Variants in ADAMTSL1 observed in about 807,000 individuals in gnomAD.
ADAMTSL1 encodes the protein ADAMTS-like protein 1.
A neutral mutation model predicts 201.8 loss-of-function variants in ADAMTSL1; 126 were observed. The observed-to-expected ratio is 0.62, with a 90% CI of 0.54 to 0.72. The LOEUF (loss-of-function observed/expected upper bound fraction) is 0.72. Among genes scored for constraint, ADAMTSL1 ranks in the 30% least tolerant of loss-of-function variants. The pLI, the probability that ADAMTSL1 is intolerant of heterozygous loss-of-function variation, is 0.00. For missense variants in ADAMTSL1, 2,679 were observed against 2,277.8 expected, an observed-to-expected ratio of 1.18 and a Z score of -3.59; for synonymous variants, 1,121 against 903.4, an observed-to-expected ratio of 1.24 and a Z score of -4.32.
intron 1 of ADAMTSL1, among the ~76,000 whole-genome samples, chr9:18,499,862 C>G (rs1056144738): frequency 6.6e-6 from 1 of 152,008 alleles, no homozygotes; most frequent in African/African-American, 2.4e-5. Context: ...AAAAAACTAT[C>G]AAGCATTTCC....
intron 2 of ADAMTSL1, among the ~76,000 whole-genome samples, chr9:18,448,986 A>G (rs1049359613): frequency 1.3e-5 from 2 of 152,012 alleles, no homozygotes; most frequent in Non-Finnish European, 2.9e-5. Flanking sequence ...AAAATACTAA[A>G]TAAAATATAT....
intron 15 of ADAMTSL1, among the ~76,000 whole-genome samples, chr9:18,722,289 T>A (rs910531958): frequency 7.9e-5 from 12 of 152,180 alleles, no homozygotes; most frequent in Non-Finnish European, 1.3e-4. Context: ...TTTTATGGTG[T>A]CTTGAGAAAC....
chr9:18,486,814 A>G (rs184332154), intron 1 of ADAMTSL1, among the ~76,000 whole-genome samples: 53 of 152,274 alleles, frequency 3.5e-4, no homozygotes, highest in African/African-American at 1.3e-3. Flanking sequence ...TTGAGTGATT[A>G]TTGTTGTCTG....
chr9:18,056,511 C>T (rs974560031), intron 1 of ADAMTSL1, among the ~76,000 whole-genome samples: 4 of 152,056 alleles, frequency 2.6e-5, no homozygotes, highest in African/African-American at 9.7e-5. Flanking sequence ...TGTTGGCACT[C>T]CCTTGCTCAT....
At chr9:18,171,751 G>A (rs1004990985) in intron 2 of ADAMTSL1, among the ~76,000 whole-genome samples, 1 of 152,008 alleles carries the variant, frequency 6.6e-6, no homozygotes, top group Non-Finnish European at 1.5e-5. Context: ...TGAAGTCTTT[G>A]CCCATGCCTA....
chr9:18,504,911 G>A lies in ADAMTSL1; in HGVS notation c.146G>A (p.Cys49Tyr). The change falls in exon 2 of 29, where the codon TGC becomes TAC. Residue 49 changes from cysteine (C) to tyrosine (Y), a missense_variant. Coordinates refer to ENST00000380548, the MANE Select transcript of ADAMTSL1 (RefSeq NM_001040272.6). ...WGPWSECSRT[C>Y]GGGASYSLRR... ...CCATGGAGTGAATGCTCACGCACCT[G>A]CGGGGGTGGGGCCTCCTACTCTCTG... is the stretch of plus-strand genomic sequence containing the variant. 1 of 1,612,884 alleles carries A rather than the reference G, an allele frequency of 6.2e-7. No homozygotes were observed. The highest frequency in any genetic ancestry group is 1.1e-5 in the South Asian group (1 of 91,040).
chr9:18,834,118 C>T (rs767730837), intron 23 of ADAMTSL1, among the ~76,000 whole-genome samples: 6 of 152,022 alleles, frequency 3.9e-5, no homozygotes, highest in Admixed American at 1.3e-4. Context: ...AGTTGGGTAG[C>T]GTGATGCCTC....
intron 2 of ADAMTSL1, among the ~76,000 whole-genome samples, chr9:18,393,373 AG>A (rs1563931235): frequency 6.6e-6 from 1 of 152,146 alleles, no homozygotes; most frequent in Non-Finnish European, 1.5e-5. Context: ...TAGGGATTAA[AG>A]GGGAAGGTAA....
chr9:18,381,689 G>A (rs1217926864), intron 2 of ADAMTSL1, among the ~76,000 whole-genome samples: 1 of 151,914 alleles, frequency 6.6e-6, no homozygotes. Flanking sequence ...TTGATGAAGG[G>A]CCATGATGTT....
chr9:18,308,494 G>A (rs969914135), intron 2 of ADAMTSL1, among the ~76,000 whole-genome samples: 10 of 152,050 alleles, frequency 6.6e-5, no homozygotes, highest in African/African-American at 2.4e-4. Flanking sequence ...CATAAAAAAT[G>A]ATAAAGAGGA....
chr9:18,846,497 A>T (rs967713234), intron 23 of ADAMTSL1, among the ~76,000 whole-genome samples: 2 of 152,202 alleles, frequency 1.3e-5, no homozygotes, highest in African/African-American at 4.8e-5. Context: ...GGCCTTAGAC[A>T]AGGTTAAAGA....
At chr9:18,410,794 T>TTTTAATC (rs1452500377) in intron 2 of ADAMTSL1, among the ~76,000 whole-genome samples, 1 of 152,074 alleles carries the variant, frequency 6.6e-6, no homozygotes, top group Non-Finnish European at 1.5e-5. Flanking sequence ...GCCCTGAATC[T>TTTTAATC]TTTAATCTGT....
intron 1 of ADAMTSL1, among the ~76,000 whole-genome samples, chr9:18,032,025 T>G (rs1348883201): frequency 6.6e-6 from 1 of 152,214 alleles, no homozygotes; most frequent in Non-Finnish European, 1.5e-5. Context: ...CTGGGTCTCC[T>G]TCTAGTGTCT....
At chr9:18,264,467 A>G (rs1291382229) in intron 2 of ADAMTSL1, among the ~76,000 whole-genome samples, 1 of 152,170 alleles carries the variant, frequency 6.6e-6, no homozygotes, top group Middle Eastern at 3.2e-3. Flanking sequence ...CCCATTCAGA[A>G]TAACAACCTG....
chr9:18,845,042 C>A (rs1175033009), intron 23 of ADAMTSL1, among the ~76,000 whole-genome samples: 1 of 152,174 alleles, frequency 6.6e-6, no homozygotes, highest in Non-Finnish European at 1.5e-5. Flanking sequence ...TGCACTGCAC[C>A]CACTGTCCTG....
At position 18,681,697 on chromosome 9, in the gene ADAMTSL1, T is replaced by TGGGGA. The variant is rs1554728668; in HGVS notation, c.1342-111_1342-110insAGGGG. The TGGGGA allele has an allele frequency of 1.7e-5, 4 of 240,358 alleles. No homozygotes were observed. The African/African-American group carries it at 2.6e-4, about 16-fold the overall frequency. 14.9% of individuals were successfully genotyped at this position (240,358 alleles called of 1,614,324 possible). The stretch of plus-strand genomic sequence containing the variant: ...TATAAATTTACCAGGAGTCCTCGTG[T>TGGGGA]GGGGGGGGGGGGCGGGGAAAAAGAA... On this transcript the variant is annotated intron_variant, in intron 11 of 28. Transcript: ENST00000380548.
chr9:17,941,317 A>G (rs553463021), intron 1 of ADAMTSL1, among the ~76,000 whole-genome samples: 1 of 152,124 alleles, frequency 6.6e-6, no homozygotes, highest in African/African-American at 2.4e-5. Flanking sequence ...TTCAATTTGG[A>G]GTTATAAAAA....
intron 23 of ADAMTSL1, among the ~76,000 whole-genome samples, chr9:18,858,040 T>C (rs1056190593): frequency 1.1e-5 from 1 of 90,444 alleles, no homozygotes; most frequent in African/African-American, 5.8e-5. Flanking sequence ...CTGCTCTCAG[T>C]ACCCAGAATT....
chr9:18,840,951 T>A (rs1291734554), intron 23 of ADAMTSL1, among the ~76,000 whole-genome samples: 3 of 147,050 alleles, frequency 2.0e-5, no homozygotes, highest in Admixed American at 6.9e-5. Flanking sequence ...GACAATGGGG[T>A]TTTCTAGATA....
Sources: allele counts gnomAD v4.1 joint callset (sites outside exome capture counted in the v4.1 genomes callset), GRCh38; gene constraint gnomAD v4.1.1; transcripts MANE v1.5; gene names NCBI Gene and HGNC (gene_info 2026-07-23, HGNC 2026-07-21).